Variants in ODR4 observed in about 807,000 individuals in gnomAD.
The protein encoded by ODR4 is protein odr-4 homolog.
Under a neutral mutation model 60.2 loss-of-function variants are expected in ODR4, and 47 were observed. That is an observed-to-expected ratio of 0.78 (90% CI 0.62 to 1.00). The LOEUF is 1.00. Ranked by LOEUF, ODR4 falls within the 50% of genes least tolerant of loss-of-function variation. ODR4 has a pLI of 0.00. For synonymous variants in ODR4, 178 were observed against 175.5 expected, an observed-to-expected ratio of 1.01 and a Z score of -0.11; for missense variants, 488 against 530.8, an observed-to-expected ratio of 0.92 and a Z score of 0.79.
rs1661707331 is a variant in ODR4 at position 186,419,634 on chromosome 1, C to CTATGA, written c.*558_*559insTATGA. On this transcript the variant is annotated 3_prime_UTR_variant, in exon 14 of 14. Coordinates refer to ENST00000287859, the MANE Select transcript of ODR4 (RefSeq NM_017847.6). ...GGCTGAAGCAGGAAGATCACGTGAG[C>CTATGA]CCAGGAGTTTGAGGCTGCAGCGAGC... 2 of 152,690 alleles carry CTATGA rather than the reference C, an allele frequency of 1.3e-5. No individual in the cohort carries two copies. Among genetic ancestry groups the CTATGA allele is most frequent in the African/African-American group, 4.8e-5 (2 of 41,352 alleles). 9.5% of individuals were successfully genotyped at this position (152,690 alleles called of 1,614,324 possible). A position where few individuals can be genotyped will look rare whatever the true frequency, so the allele number is the denominator to read the frequency against.
intron 3 of ODR4, among the ~76,000 whole-genome samples, chr1:186,384,779 CTTTA>C (rs1227554966): frequency 6.6e-6 from 1 of 152,004 alleles, no homozygotes; most frequent in African/African-American, 2.4e-5. Context: ...AATATGAAAA[CTTTA>C]TTTGTCAGAA....
chr1:186,409,547 T>C (rs1268145088), intron 12 of ODR4, among the ~76,000 whole-genome samples: 1 of 152,200 alleles, frequency 6.6e-6, no homozygotes, highest in East Asian at 1.9e-4. Context: ...AAGTAGATTT[T>C]TGTTTGTTTG....
intron 5 of ODR4, 36 bp from the exon 6 acceptor site, chr1:186,389,552 G>T: frequency 6.8e-7 from 1 of 1,461,142 alleles, no homozygotes. Flanking sequence ...TACCAATAAT[G>T]CCTTTTTTGG....
chr1:186,383,705 A>G (rs1177818108), intron 3 of ODR4, among the ~76,000 whole-genome samples: 1 of 151,076 alleles, frequency 6.6e-6, no homozygotes, highest in East Asian at 1.9e-4. Flanking sequence ...ATATGGACAT[A>G]TATTTGTGTC....
chr1:186,411,782 GTCTATATTTCTCTT>G, intron 12 of ODR4: 1 of 667,746 alleles, frequency 1.5e-6, no homozygotes, highest in Non-Finnish European at 1.9e-6. Flanking sequence ...ATTATTTACT[GTCTATATTTCTCTT>G]TTTTATGCTG....
At chr1:186,408,674 T>C (rs1661262431) in intron 12 of ODR4, among the ~76,000 whole-genome samples, 1 of 150,284 alleles carries the variant, frequency 6.7e-6, no homozygotes, top group Non-Finnish European at 1.5e-5. Context: ...TACAAAAATG[T>C]ATTGTTTTCT....
chr1:186,399,978 C>CTTTTTTT (rs1399196883), intron 11 of ODR4, among the ~76,000 whole-genome samples: 9 of 128,544 alleles, frequency 7.0e-5, no homozygotes, highest in African/African-American at 2.0e-4. Context: ...TCTCCCCATT[C>CTTTTTTT]TTTTTTTTTT....
Position 186,393,967 on chromosome 1 carries a change from T to C in ODR4, c.732T>C (p.Asn244=), listed in dbSNP as rs1660570265. 5 of 1,522,740 alleles carry C rather than the reference T, an allele frequency of 3.3e-6. No homozygotes were observed. In the East Asian group the frequency reaches 1.2e-4, roughly 37 times the overall value. 94.3% of individuals were successfully genotyped at this position (1,522,740 alleles called of 1,614,324 possible). ...TTCAGAAAAAATCTTCTAGAGGAAA[T>C]ACTCAAGCAACTAGTCATTCTTTTG... is the stretch of plus-strand genomic sequence containing the variant. ...LEGQKKSSRG[N]TQATSHSFDV... The change falls in exon 9 of 14, where the codon AAT becomes AAC. Residue 244 remains asparagine (N), a synonymous_variant. Transcript: ENST00000287859.
At chr1:186,403,171 G>A (rs1039460786) in intron 11 of ODR4, among the ~76,000 whole-genome samples, 4 of 151,980 alleles carry the variant, frequency 2.6e-5, no homozygotes, top group Non-Finnish European at 5.9e-5. Context: ...CATATTAGTT[G>A]ATCTTAGGTA....
At chr1:186,427,294 T>G in the ODR4 span, among the ~76,000 whole-genome samples, 1 of 152,232 alleles carries the variant, frequency 6.6e-6, no homozygotes, top group Admixed American at 6.5e-5. Flanking sequence ...CCCTATGGCT[T>G]CTTTTTCAAC....
At chr1:186,379,443 C>CAAAA (rs57320656) in intron 1 of ODR4, among the ~76,000 whole-genome samples, 1 of 58,472 alleles carries the variant, frequency 1.7e-5, no homozygotes, top group African/African-American at 5.0e-5. Context: ...AACTCCGTCT[C>CAAAA]AAAAAAAAAA....
chr1:186,377,908 G>A (rs1450656216), intron 1 of ODR4, among the ~76,000 whole-genome samples: 2 of 152,232 alleles, frequency 1.3e-5, no homozygotes, highest in South Asian at 2.1e-4. Flanking sequence ...AGCCGAGTGT[G>A]GTGGCGGGTG....
Position 186,391,803 on chromosome 1 carries a change from G to GA in ODR4, c.711+16dup. On this transcript the variant is annotated intron_variant, in intron 8 of 13. Coordinates refer to ENST00000287859, the MANE Select transcript of ODR4 (RefSeq NM_017847.6). ...TATTAGAAGGACAGGTAAGTTAAGA[G>GA]AAAATCATCTTATTAAATTGTTAGT... The GA allele has an allele frequency of 6.8e-7, 1 of 1,470,544 alleles. No homozygotes were observed. The highest frequency in any genetic ancestry group is 9.4e-7 in the Non-Finnish European group (1 of 1,060,682). The allele number at this position is 1,470,544 out of a possible 1,614,324, so 91.1% of individuals were successfully genotyped here.
downstream of ODR4, among the ~76,000 whole-genome samples, chr1:186,424,426 A>G (rs1432571048): frequency 2.6e-5 from 4 of 152,194 alleles, no homozygotes; most frequent in African/African-American, 9.7e-5. Flanking sequence ...ACATAAAACA[A>G]TATTAGTGAT....
chr1:186,405,603 A>G lies in ODR4; in HGVS notation c.1001-480A>G, dbSNP rs188097056. Among the ~76,000 whole-genome samples, 250 of 152,164 alleles carry G rather than the reference A, an allele frequency of 1.6e-3. 1 individual carries two copies. The highest frequency in any genetic ancestry group is 5.4e-3 in the African/African-American group (226 of 41,520). ...AGTCTCGCTCTGTTGCCCAGGCTGG[A>G]GTGCAGTGGTGCGATCTTGGCTCAC... On this transcript the variant is annotated intron_variant, in intron 11 of 13. Coordinates refer to ENST00000287859, the MANE Select transcript of ODR4 (RefSeq NM_017847.6).
intron 4 of ODR4, among the ~76,000 whole-genome samples, chr1:186,386,479 A>G (rs1660255401): frequency 6.6e-6 from 1 of 152,166 alleles, no homozygotes; most frequent in Non-Finnish European, 1.5e-5. Context: ...AAATTATGCA[A>G]ACAAATAATT....
rs115244703 is a variant in ODR4 at position 186,384,284 on chromosome 1, G to A, written c.234+1128G>A. 6.4e-3 allele frequency among the ~76,000 whole-genome samples: 968 copies of A among 151,408 alleles called. 12 individuals carry two copies. Among genetic ancestry groups the A allele is most frequent in the African/African-American group, 0.021 (870 of 41,228 alleles). ...CAGAGAGGAAGCAAGGGGTTGGGAG[G>A]TGCTAGGCTTTTTTTTTTAACAACC... On this transcript the variant is annotated intron_variant, in intron 3 of 13. Transcript: ENST00000287859.
chr1:186,402,937 A>G (rs1661040934), intron 11 of ODR4, among the ~76,000 whole-genome samples: 1 of 152,156 alleles, frequency 6.6e-6, no homozygotes, highest in African/African-American at 2.4e-5. Context: ...AGGCTGCAAG[A>G]TTAAATGAGA....
intron 12 of ODR4, among the ~76,000 whole-genome samples, chr1:186,412,617 AT>A (rs1203739110): frequency 2.0e-5 from 3 of 151,852 alleles, no homozygotes; most frequent in Non-Finnish European, 4.4e-5. Flanking sequence ...TAAACATCCT[AT>A]TTTTTTTAGA....
Sources: allele counts gnomAD v4.1 joint callset (sites outside exome capture counted in the v4.1 genomes callset), GRCh38; gene constraint gnomAD v4.1.1; transcripts MANE v1.5; gene names NCBI Gene and HGNC (gene_info 2026-07-23, HGNC 2026-07-21).